The following CYP24A1 variants were observed in gnomAD, a reference collection of about 807,000 sequenced individuals.
CYP24A1 encodes the protein 1,25-dihydroxyvitamin D(3) 24-hydroxylase, mitochondrial.
CYP24A1 carries 68 observed loss-of-function variants against 62.4 expected under a neutral mutation model. That is an observed-to-expected ratio of 1.09 (90% CI 0.90 to 1.33). The LOEUF is 1.33. CYP24A1 is among the 40% of genes most tolerant of loss of function. CYP24A1 has a pLI of 0.00. For missense variants in CYP24A1, 787 were observed against 653.0 expected, an observed-to-expected ratio of 1.21 and a Z score of -2.24; for synonymous variants, 267 against 253.0, an observed-to-expected ratio of 1.06 and a Z score of -0.52.
intron 9 of CYP24A1, 84 bp from the exon 10 acceptor site, chr20:54,157,669 C>G (rs1246924311): frequency 4.6e-6 from 4 of 877,922 alleles, no homozygotes; most frequent in Admixed American, 1.7e-5. Context: ...TGTCACCTTA[C>G]AAATCAAAAG....
At position 54,172,996 on chromosome 20, in the gene CYP24A1, G is replaced by T. The variant is rs763297732; in HGVS notation, c.362C>A (p.Thr121Asn). ...CAGCCGCTGCGGGTACGCGCTCTCGGTGCGGTACAGCGCTTCCAGCAGGCA... is the reference window on the plus strand; with the variant it reads ...CAGCCGCTGCGGGTACGCGCTCTCGTTGCGGTACAGCGCTTCCAGCAGGCA... ...SPCLLEALYR[T>N]ESAYPQRLEI... The change falls in exon 2 of 12, where the codon ACC (threonine) becomes AAC (asparagine). Residue 121 changes from threonine to asparagine, a missense_variant. Transcript: ENST00000216862. The T allele has an allele frequency of 6.2e-7, 1 of 1,612,298 alleles. No homozygotes were observed. The highest frequency in any genetic ancestry group is 8.5e-7 in the Non-Finnish European group (1 of 1,180,028).
downstream of CYP24A1, among the ~76,000 whole-genome samples, chr20:54,152,170 C>T (rs145694921): frequency 1.1e-4 from 16 of 152,286 alleles, no homozygotes; most frequent in African/African-American, 3.6e-4. Context: ...TGGCTGGCAC[C>T]TGCAGCCTTC....
intron 4 of CYP24A1, 100 bp from the exon 5 acceptor site, chr20:54,165,933 A>G (rs1157737981): frequency 1.2e-6 from 1 of 815,884 alleles, no homozygotes; most frequent in African/African-American, 1.7e-5. Context: ...GCCTCTTAAA[A>G]GTGTGGGATT....
intron 11 of CYP24A1, among the ~76,000 whole-genome samples, chr20:54,156,148 G>A (rs761038466): frequency 2.0e-5 from 3 of 152,074 alleles, no homozygotes; most frequent in Admixed American, 1.3e-4. Context: ...ACAGTCCACC[G>A]CTTGTTTTTT....
downstream of CYP24A1, among the ~76,000 whole-genome samples, chr20:54,150,546 G>A (rs988695533): frequency 1.3e-5 from 2 of 151,998 alleles, no homozygotes; most frequent in African/African-American, 2.4e-5. Flanking sequence ...GGCTGGTCTC[G>A]AACCCCTGAC....
At chr20:54,170,565 A>T (rs990938347) in intron 3 of CYP24A1, among the ~76,000 whole-genome samples, 33 of 117,492 alleles carry the variant, frequency 2.8e-4, no homozygotes, top group African/African-American at 1.7e-3. Context: ...TGTTACCATT[A>T]AAAAAAACAA....
intron 6 of CYP24A1, among the ~76,000 whole-genome samples, chr20:54,163,712 T>A (rs1231008278): frequency 6.6e-6 from 1 of 152,250 alleles, no homozygotes; most frequent in Non-Finnish European, 1.5e-5. Flanking sequence ...GAAATAGATC[T>A]AGTCCACGGA....
chr20:54,166,738 AAAAG>A (rs2092673486), intron 4 of CYP24A1, among the ~76,000 whole-genome samples: 2 of 151,934 alleles, frequency 1.3e-5, no homozygotes, highest in South Asian at 4.1e-4. Context: ...TTTTTTTAAA[AAAAG>A]GACACAGGGC....
Position 54,165,814 on chromosome 20 carries a change from A to G in CYP24A1, c.660T>C (p.Tyr220=). The change falls in exon 5 of 12, where the codon TAT becomes TAC. Residue 220 remains tyrosine, a synonymous_variant. Transcript: ENST00000216862. The stretch of plus-strand genomic sequence containing the variant: ...TCTGGAGAAGCCCAAATCTCTTCTC[A>G]TACAACACGAGGCAGATACCTGTCA... ...WSFESICLVL[Y]EKRFGLLQKN... 1 of 1,464,144 alleles carries G rather than the reference A, an allele frequency of 6.8e-7. No individual in the cohort carries two copies. Among genetic ancestry groups the G allele is most frequent in the African/African-American group, 1.4e-5 (1 of 72,246 alleles). The allele number at this position is 1,464,144 out of a possible 1,614,324, so 90.7% of individuals were successfully genotyped here. A position where few individuals can be genotyped will look rare whatever the true frequency, so the allele number is the denominator to read the frequency against.
intron 3 of CYP24A1, among the ~76,000 whole-genome samples, 163 bp downstream of exon 3, chr20:54,171,386 TGGAGGAGGGAGAAATAAGGGTTTGGTGG>T (rs1226883653): frequency 6.6e-6 from 1 of 151,590 alleles, no homozygotes; most frequent in African/African-American, 2.4e-5. Flanking sequence ...TAAAAGAGGG[TGGAGGAGGGAGAAATAAGGGTTTGGTGG>T]GGAGGAGGCT....
the CYP24A1 span, among the ~76,000 whole-genome samples, chr20:54,144,416 A>AT: frequency 9.5e-5 from 14 of 147,622 alleles, no homozygotes; most frequent in Non-Finnish European, 1.8e-4. Context: ...CACTTGGCTA[A>AT]TTTTTTTTTT....
rs1486186792 is a variant in CYP24A1 at position 54,153,722 on chromosome 20, C to A, written c.*1050G>T. 1 of 152,396 alleles carries A rather than the reference C, an allele frequency of 6.6e-6. No homozygotes were observed. The highest frequency in any genetic ancestry group is 1.5e-5 in the Non-Finnish European group (1 of 68,004). 9.4% of individuals were successfully genotyped at this position (152,396 alleles called of 1,614,324 possible). On this transcript the variant is annotated 3_prime_UTR_variant, in exon 12 of 12. Transcript: ENST00000216862. Reference sequence around the variant, plus strand: ...GTAGTAAAAATATGCACAAATAAACCATCTGTAAACACAATTTTTAAGTCT... The same window carrying A: ...GTAGTAAAAATATGCACAAATAAACAATCTGTAAACACAATTTTTAAGTCT...
chr20:54,164,635 G>C (rs2092664687), intron 5 of CYP24A1, 72 bp from the exon 6 acceptor site: 1 of 1,612,032 alleles, frequency 6.2e-7, no homozygotes, highest in Non-Finnish European at 8.5e-7. Context: ...TCTGGAAGAG[G>C]AACATTCTAA....
Position 54,157,195 on chromosome 20 carries a change from G to T in CYP24A1, c.1529C>A (p.Ala510Glu). 1.9e-6 allele frequency: 3 copies of T among 1,598,906 alleles called. No homozygotes were observed. Among genetic ancestry groups the T allele is most frequent in the Non-Finnish European group, 2.6e-6 (3 of 1,166,328 alleles). Reference sequence around the variant, plus strand: ...TGAGGCGTATTATCGCTGGCAAAACGCGATGGGGAGTTCCCGGCTGGGCAC... The same window carrying T: ...TGAGGCGTATTATCGCTGGCAAAACTCGATGGGGAGTTCCCGGCTGGGCAC... The part of the protein sequence containing the change: ...TLVPSRELPI[A>E]FCQR The change falls in exon 11 of 12, where the codon GCG (alanine) becomes GAG (glutamate). Residue 510 changes from alanine to glutamate, a missense_variant. Ala to Glu is a moderately radical substitution (Grantham distance 107). Transcript: ENST00000216862.
intron 6 of CYP24A1, 141 bp from the exon 7 acceptor site, chr20:54,163,003 A>G: frequency 4.3e-6 from 3 of 704,780 alleles, no homozygotes; most frequent in Non-Finnish European, 7.8e-6. Flanking sequence ...TACACACACT[A>G]ATTATATTAT....
chr20:54,152,217 C>T (rs1328977119), downstream of CYP24A1, among the ~76,000 whole-genome samples: 1 of 152,178 alleles, frequency 6.6e-6, no homozygotes, highest in Non-Finnish European at 1.5e-5. Flanking sequence ...AGCCATTTTG[C>T]CTGGACATGT....
chr20:54,164,700 C>A, intron 5 of CYP24A1, 137 bp from the exon 6 acceptor site: 12 of 1,518,542 alleles, frequency 7.9e-6, no homozygotes, highest in Non-Finnish European at 9.8e-6. Context: ...ACCCCCGGCT[C>A]TCTCTGCACC....
At chr20:54,172,545 G>C (rs1156638165) in intron 2 of CYP24A1, among the ~76,000 whole-genome samples, 1 of 152,194 alleles carries the variant, frequency 6.6e-6, no homozygotes, top group Non-Finnish European at 1.5e-5. Context: ...AGTTTTAAGG[G>C]ATAATTTTGT....
At chr20:54,150,706 G>A (rs941911425), downstream of CYP24A1, among the ~76,000 whole-genome samples, 2 of 152,162 alleles carry the variant, frequency 1.3e-5, no homozygotes, top group Non-Finnish European at 2.9e-5. Context: ...TGTGACATGG[G>A]GAGTTTACTT....
Sources: gnomAD v4.1 joint callset for allele counts (sites outside exome capture counted in the v4.1 genomes callset) on GRCh38, gnomAD v4.1.1 for gene constraint, MANE v1.5 for transcripts, NCBI Gene and HGNC (gene_info 2026-07-23, HGNC 2026-07-21) for gene names.